MGST1: variants seen among roughly 807,000 people sequenced by gnomAD.
MGST1 encodes microsomal glutathione S-transferase 1, also known as glutathione S-transferase 12.
In MGST1, 5 loss-of-function variants were observed where a neutral mutation model predicts 8.9. That is an observed-to-expected ratio of 0.56 (90% CI 0.29 to 1.19). The LOEUF (loss-of-function observed/expected upper bound fraction) is 1.19. MGST1 is among the 50% of genes most tolerant of loss of function. The probability of loss-of-function intolerance (pLI) is 0.08; values close to 1 mark genes in which losing one functional copy is unlikely to be tolerated. For synonymous variants in MGST1, 54 were observed against 67.8 expected (o/e 0.80, Z 1.00); for missense variants, 182 against 187.4 (o/e 0.97, Z 0.17).
chr12:16,444,306 C>T (rs1028405349), intron 4 of MGST1, among the ~76,000 whole-genome samples: 1 of 150,542 alleles, frequency 6.6e-6, no homozygotes, highest in Non-Finnish European at 1.5e-5. Flanking sequence ...TATCCACACA[C>T]ATGCCTTTAC....
intron 4 of MGST1, among the ~76,000 whole-genome samples, chr12:16,516,804 A>G (rs1221533069): frequency 6.6e-6 from 1 of 152,228 alleles, no homozygotes; most frequent in African/African-American, 2.4e-5. Flanking sequence ...CCCACTGACT[A>G]TAGTCCACAT....
chr12:16,371,168 T>C (rs1314828273), intron 3 of MGST1, among the ~76,000 whole-genome samples: 1 of 152,162 alleles, frequency 6.6e-6, no homozygotes, highest in African/African-American at 2.4e-5. Context: ...AATAGAATGC[T>C]TGGAAGTAAA....
chr12:16,420,556 G>A (rs748713544), intron 1 of MGST1, among the ~76,000 whole-genome samples: 10 of 152,164 alleles, frequency 6.6e-5, no homozygotes, highest in Non-Finnish European at 1.3e-4. Context: ...TGGAGTGAAG[G>A]GAGGAGAAAG....
At chr12:16,477,924 C>T (rs899305227) in intron 4 of MGST1, among the ~76,000 whole-genome samples, 1 of 152,338 alleles carries the variant, frequency 6.6e-6, no homozygotes, top group East Asian at 1.9e-4. Context: ...AAAGGGTTCA[C>T]AGTGCAGCGT....
intron 4 of MGST1, among the ~76,000 whole-genome samples, chr12:16,445,338 A>C (rs1019868374): frequency 4.6e-5 from 7 of 151,866 alleles, no homozygotes; most frequent in African/African-American, 1.7e-4. Flanking sequence ...TAGGCACTAG[A>C]CACTGCTGAG....
At chr12:16,353,973 T>C (rs570012631) in intron 1 of MGST1, among the ~76,000 whole-genome samples, 47 of 152,084 alleles carry the variant, frequency 3.1e-4, no homozygotes, top group African/African-American at 1.1e-3. Flanking sequence ...TTGGGCTGGC[T>C]GGTCTCAAAC....
At chr12:16,509,687 C>G (rs1213096676) in intron 4 of MGST1, among the ~76,000 whole-genome samples, 1 of 152,188 alleles carries the variant, frequency 6.6e-6, no homozygotes, top group Non-Finnish European at 1.5e-5. Flanking sequence ...CATTACACAT[C>G]TGTTTATAGG....
chr12:16,365,234 A>G (rs941326854), downstream of MGST1, among the ~76,000 whole-genome samples: 4 of 149,416 alleles, frequency 2.7e-5, no homozygotes, highest in African/African-American at 9.9e-5. Flanking sequence ...ACATATAACT[A>G]TGTAGCACGT....
At chr12:16,524,012 G>T (rs1941665734) in intron 4 of MGST1, among the ~76,000 whole-genome samples, 1 of 152,060 alleles carries the variant, frequency 6.6e-6, no homozygotes, top group African/African-American at 2.4e-5. Context: ...TCCCAGGAAA[G>T]AAAATGGTGT....
chr12:16,568,105 A>G (rs1942680852), intron 4 of MGST1, among the ~76,000 whole-genome samples: 13 of 152,222 alleles, frequency 8.5e-5, no homozygotes, highest in Admixed American at 8.5e-4. Flanking sequence ...AGGTGAGGAA[A>G]GAGATCTTGG....
intron 1 of MGST1, among the ~76,000 whole-genome samples, chr12:16,387,748 G>C (rs55660675): frequency 0.082 from 12,497 of 152,010 alleles, 679 homozygotes; most frequent in East Asian, 0.21. Flanking sequence ...GGATGGTCTC[G>C]ATCTCCTGAC....
At chr12:16,592,536 T>C (rs550692159), downstream of MGST1, among the ~76,000 whole-genome samples, 1 of 152,100 alleles carries the variant, frequency 6.6e-6, no homozygotes, top group African/African-American at 2.4e-5. Flanking sequence ...AAACTAATAC[T>C]TGCATGAAGT....
In MGST1 at chr12:16,503,052, C is replaced by T. The variant is rs1261677410; in HGVS notation, n.483-86476C>T. The stretch of plus-strand genomic sequence containing the variant: ...TAGAATATGAATGACAAGTCAAATA[C>T]AATCTCTGAGGGTGGAAGATGCAGG... On this transcript the variant is annotated intron_variant and non_coding_transcript_variant, in intron 4 of 4. Transcript: ENST00000538857. This position sits in a 1 kb window ranked among gnomAD's most constrained non-coding sequence, Gnocchi z 4.8. Among the ~76,000 whole-genome samples, 1 of 152,134 alleles carries T rather than the reference C, an allele frequency of 6.6e-6. No individual in the cohort carries two copies. The highest frequency in any genetic ancestry group is 2.4e-5 in the African/African-American group (1 of 41,432).
Position 16,537,886 on chromosome 12 carries a change from C to G in MGST1, n.483-51642C>G, listed in dbSNP as rs1429583140. On this transcript the variant is annotated intron_variant and non_coding_transcript_variant, in intron 4 of 4. Transcript: ENST00000538857. The surrounding 1 kb of genome is among the most constrained non-coding windows in gnomAD (Gnocchi z 4.6). ...GAGGGGCTGCTGTGAAGACCTATTG[C>G]ATGCCCTAGGCACATTTTCCCCATT... Among the ~76,000 whole-genome samples the G allele has an allele frequency of 6.6e-6, 1 of 152,200 alleles. No homozygotes were observed. Among genetic ancestry groups the G allele is most frequent in the Non-Finnish European group, 1.5e-5 (1 of 68,038 alleles).
intron 4 of MGST1, among the ~76,000 whole-genome samples, chr12:16,532,919 C>A (rs1048520372): frequency 6.6e-6 from 1 of 152,094 alleles, no homozygotes; most frequent in East Asian, 1.9e-4. Flanking sequence ...CACCTAGGAC[C>A]TGCTCCAAAT....
At chr12:16,564,730 G>A (rs1369163075) in intron 4 of MGST1, among the ~76,000 whole-genome samples, 1 of 152,124 alleles carries the variant, frequency 6.6e-6, no homozygotes, top group African/African-American at 2.4e-5. Flanking sequence ...CCTTAATTCT[G>A]AGTAAAGATC....
downstream of MGST1, among the ~76,000 whole-genome samples, chr12:16,589,795 A>G (rs1016514406): frequency 6.6e-6 from 1 of 152,112 alleles, no homozygotes; most frequent in African/African-American, 2.4e-5. This position sits in a 1 kb window ranked among gnomAD's most constrained non-coding sequence, Gnocchi z 4.2. Flanking sequence ...TGGACAAGAA[A>G]AGCATCTGCC....
At chr12:16,407,877 C>G (rs1406995986) in intron 1 of MGST1, among the ~76,000 whole-genome samples, 1 of 151,540 alleles carries the variant, frequency 6.6e-6, no homozygotes, top group African/African-American at 2.4e-5. Flanking sequence ...ACTAAAAATA[C>G]AAAAATTAGC....
rs755380279 is a variant in MGST1 at position 16,389,765 on chromosome 12, A to G, written n.778+6161A>G. On this transcript the variant is annotated intron_variant and non_coding_transcript_variant, in intron 1 of 1. Coordinates refer to the MGST1 transcript ENST00000359720. This position sits in a 1 kb window ranked among gnomAD's most constrained non-coding sequence, Gnocchi z 4.6. ...TTTAGTGAGCAATATTGGAGTTTTC[A>G]TAGTAAGAGCTTGCAGAGGTGGCTG... Among the ~76,000 whole-genome samples, 3 of 152,126 alleles carry G rather than the reference A, an allele frequency of 2.0e-5. No individual in the cohort carries two copies. Among genetic ancestry groups the G allele is most frequent in the Non-Finnish European group, 2.9e-5 (2 of 68,028 alleles).
Sources: allele counts gnomAD v4.1 joint callset (sites outside exome capture counted in the v4.1 genomes callset), GRCh38; gene constraint gnomAD v4.1.1; non-coding constraint Gnocchi (gnomAD v3.1); transcripts MANE v1.5; gene names NCBI Gene and HGNC (gene_info 2026-07-23, HGNC 2026-07-21).